KPNA7: variants seen among roughly 807,000 people sequenced by gnomAD.
KPNA7 encodes the protein importin subunit alpha-8.
In KPNA7, 54 loss-of-function variants were observed where a neutral mutation model predicts 53.7. That is an observed-to-expected ratio of 1.01 (90% CI 0.81 to 1.26). KPNA7 has a LOEUF of 1.26. KPNA7 is among the 50% of genes most tolerant of loss of function. The probability of loss-of-function intolerance (pLI) is 0.00; values close to 1 mark genes in which losing one functional copy is unlikely to be tolerated. For missense variants in KPNA7, 640 were observed against 644.5 expected (o/e 0.99, Z 0.07); for synonymous variants, 276 against 259.3 (o/e 1.06, Z -0.62).
downstream of KPNA7, among the ~76,000 whole-genome samples, chr7:99,171,129 A>G (rs1199484026): frequency 6.6e-6 from 1 of 152,202 alleles, no homozygotes; most frequent in Non-Finnish European, 1.5e-5. Context: ...CTGAGGCAGG[A>G]GAATCGCTTG....
At chr7:99,188,740 C>T (rs1480536654) in intron 6 of KPNA7, among the ~76,000 whole-genome samples, 177 bp from the exon 7 acceptor site, 1 of 152,148 alleles carries the variant, frequency 6.6e-6, no homozygotes, top group South Asian at 2.1e-4. Flanking sequence ...TGCAGTGATG[C>T]AATCTTGGCT....
At chr7:99,175,026 G>C (rs1362151373) in intron 10 of KPNA7, among the ~76,000 whole-genome samples, 1 of 151,960 alleles carries the variant, frequency 6.6e-6, no homozygotes, top group Non-Finnish European at 1.5e-5. Flanking sequence ...GGCCAGGCTG[G>C]TCTCGAACTC....
At chr7:99,174,800 A>C (rs1798840443) in intron 10 of KPNA7, among the ~76,000 whole-genome samples, 1 of 150,122 alleles carries the variant, frequency 6.7e-6, no homozygotes, top group Non-Finnish European at 1.5e-5. Flanking sequence ...CCTTTAAAAG[A>C]GGTCTCTTAT....
At chr7:99,206,547 C>T (rs190231613) in intron 2 of KPNA7, among the ~76,000 whole-genome samples, 11 of 152,296 alleles carry the variant, frequency 7.2e-5, no homozygotes, top group Admixed American at 7.2e-4. Flanking sequence ...CAGTTCACTG[C>T]AGCCTTGAAC....
intron 9 of KPNA7, among the ~76,000 whole-genome samples, chr7:99,180,382 G>C (rs1021952397): frequency 3.9e-5 from 6 of 152,112 alleles, no homozygotes; most frequent in Non-Finnish European, 8.8e-5. Context: ...TCTGGCTGTA[G>C]TGCCAGTGAT....
intron 3 of KPNA7, 22 bp from the exon 4 acceptor site, chr7:99,196,188 G>T: frequency 7.2e-6 from 11 of 1,529,874 alleles, no homozygotes; most frequent in South Asian, 1.2e-5. Context: ...GACACATTCA[G>T]GTCAGACTGT....
chr7:99,196,072 G>C lies in KPNA7; in HGVS notation c.284+12C>G. The C allele has an allele frequency of 6.5e-7, 1 of 1,549,362 alleles. No individual in the cohort carries two copies. The highest frequency in any genetic ancestry group is 8.7e-7 in the Non-Finnish European group (1 of 1,144,836). On this transcript the variant is annotated intron_variant, in intron 4 of 10. Transcript: ENST00000327442. ...TATGAACCTGCAACAGCAGAAGTCT[G>C]TTTGGAGATACCTGGCTGTCTGGGT...
chr7:99,207,873 A>G (rs2150780354), intron 1 of KPNA7, among the ~76,000 whole-genome samples, 155 bp downstream of exon 1: 1 of 151,748 alleles, frequency 6.6e-6, no homozygotes, highest in South Asian at 2.1e-4. Context: ...TGACCTTGTG[A>G]TCCGCCCACC....
At chr7:99,184,479 T>C (rs1029343670) in intron 8 of KPNA7, among the ~76,000 whole-genome samples, 3 of 152,188 alleles carry the variant, frequency 2.0e-5, no homozygotes, top group African/African-American at 7.2e-5. Context: ...GTTGTTTTTC[T>C]ATGTTTAGAT....
chr7:99,155,384 A>C, the KPNA7 span, among the ~76,000 whole-genome samples: 1 of 152,154 alleles, frequency 6.6e-6, no homozygotes, highest in Non-Finnish European at 1.5e-5. Flanking sequence ...TTTTGTGTGC[A>C]TTGCTGACTT....
At chr7:99,218,542 G>A (rs1012355567) in intron 1 of KPNA7, among the ~76,000 whole-genome samples, 8 of 152,152 alleles carry the variant, frequency 5.3e-5, no homozygotes, top group African/African-American at 1.4e-4. Flanking sequence ...TATGTGGTTA[G>A]ACTCACTCCA....
At chr7:99,196,961 A>G (rs1790257315) in intron 3 of KPNA7, among the ~76,000 whole-genome samples, 1 of 152,182 alleles carries the variant, frequency 6.6e-6, no homozygotes, top group South Asian at 2.1e-4. Flanking sequence ...GGGATAAACA[A>G]CAGGCTAACA....
At chr7:99,192,848 G>A (rs1345177465) in intron 6 of KPNA7, among the ~76,000 whole-genome samples, 171 bp downstream of exon 6, 2 of 152,070 alleles carry the variant, frequency 1.3e-5, no homozygotes, top group Non-Finnish European at 2.9e-5. Context: ...CATCCACTTG[G>A]CCTGGTACTG....
At chr7:99,216,618 G>A (rs1328401679) in intron 1 of KPNA7, among the ~76,000 whole-genome samples, 1 of 152,100 alleles carries the variant, frequency 6.6e-6, no homozygotes, top group African/African-American at 2.4e-5. Flanking sequence ...CTAGAATGCA[G>A]TGGCGTGATC....
intron 7 of KPNA7, among the ~76,000 whole-genome samples, chr7:99,186,085 G>A (rs1435405870): frequency 1.3e-5 from 2 of 152,092 alleles, no homozygotes; most frequent in Non-Finnish European, 2.9e-5. Flanking sequence ...GAGCTACTGC[G>A]CCCAGTGACT....
chr7:99,188,961 G>A (rs1789787346), intron 6 of KPNA7, among the ~76,000 whole-genome samples: 1 of 152,014 alleles, frequency 6.6e-6, no homozygotes, highest in Non-Finnish European at 1.5e-5. Flanking sequence ...GGATTACAGG[G>A]GTGAGCCATT....
intron 3 of KPNA7, among the ~76,000 whole-genome samples, chr7:99,201,418 C>T (rs764740452): frequency 1.3e-5 from 2 of 151,736 alleles, no homozygotes; most frequent in Non-Finnish European, 2.9e-5. Flanking sequence ...AAACCCAGCA[C>T]TTCGGGAGGC....
In KPNA7 at chr7:99,178,081, A is replaced by C. The variant is rs1451199597; in HGVS notation, c.1318-15T>G. 1.9e-6 allele frequency: 3 copies of C among 1,550,464 alleles called. No homozygotes were observed. The highest frequency in any genetic ancestry group is 2.0e-5 in the Admixed American group (1 of 50,862). ...TTCTCTGCCGCCTGTGACCAAGTAC[A>C]AGGGGACATGAGACCCCCGGCAGGA... On this transcript the variant is annotated splice_polypyrimidine_tract_variant and intron_variant, in intron 9 of 10. Transcript: ENST00000327442.
At chr7:99,192,766 G>C (rs150985452) in intron 6 of KPNA7, among the ~76,000 whole-genome samples, 1 of 152,090 alleles carries the variant, frequency 6.6e-6, no homozygotes, top group Non-Finnish European at 1.5e-5. Context: ...ATCTAGCATT[G>C]GATTTGGAAG....
Sources: allele counts gnomAD v4.1 joint callset (sites outside exome capture counted in the v4.1 genomes callset), GRCh38; gene constraint gnomAD v4.1.1; transcripts MANE v1.5; gene names NCBI Gene and HGNC (gene_info 2026-07-23, HGNC 2026-07-21).